Variants in ZFAND4 observed in about 807,000 individuals in gnomAD.
ZFAND4 encodes zinc finger AN1-type containing 4.
In ZFAND4, 43 loss-of-function variants were observed where a neutral mutation model predicts 64.4. The observed-to-expected ratio is 0.67, with a 90% CI of 0.52 to 0.86. The LOEUF is 0.86. Among genes scored for constraint, ZFAND4 ranks in the 40% least tolerant of loss-of-function variants. The pLI, the probability that ZFAND4 is intolerant of heterozygous loss-of-function variation, is 0.00. For missense variants in ZFAND4, 929 were observed against 859.8 expected (o/e 1.08, Z -1.01); for synonymous variants, 296 against 305.7 (o/e 0.97, Z 0.33).
rs368287681 is a variant in ZFAND4 at position 45,663,554 on chromosome 10, G to A, written c.172C>T (p.Arg58Ter). 2.7e-5 allele frequency: 43 copies of A among 1,588,764 alleles called. No individual in the cohort carries two copies. The highest frequency in any genetic ancestry group is 2.0e-4 in the Middle Eastern group (1 of 5,038). The change falls in exon 2 of 10, where the codon CGA becomes TGA. Residue 58 changes from arginine (R) to a stop codon, truncating the protein, a stop_gained. Coordinates refer to ENST00000344646, the MANE Select transcript of ZFAND4 (RefSeq NM_174890.4). LOFTEE classifies it high-confidence loss of function. Reference sequence around the variant, plus strand: ...GAAAGATGAGTACCTTCCAATCTTCGAATTTTTGCTTTCACAGAAATAACA... The same window carrying A: ...GAAAGATGAGTACCTTCCAATCTTCAAATTTTTGCTTTCACAGAAATAACA... The part of the protein sequence containing the change: ...ETVISVKAKI[R>*]RLEGIPICRQ...
At chr10:45,617,705 A>C (rs1446036455) in intron 9 of ZFAND4, 1 of 152,146 alleles carries the variant, frequency 6.6e-6, no homozygotes, top group Non-Finnish European at 1.5e-5. Context: ...GGAGGATATC[A>C]ATCAATACTA....
intron 8 of ZFAND4, 74 bp from the exon 9 acceptor site, chr10:45,618,334 A>T: frequency 1.9e-6 from 3 of 1,544,548 alleles, no homozygotes; most frequent in Non-Finnish European, 2.6e-6. Flanking sequence ...AGCAAAACAC[A>T]AAACATAGTC....
chr10:45,648,304 G>C lies in ZFAND4; in HGVS notation c.559C>G (p.His187Asp). ...HLHVLRRKGE[H>D]RMSGGSMYNS... is the part of the protein sequence containing the mutation. ...AAGTTTATGGAGTACCTCATACGAT[G>C]TTCTCCTTTTCTCCGTAGGACATGC... Residue 187 changes from histidine to aspartate, a missense_variant, in exon 5 of 10, where the codon CAT (histidine) becomes GAT (aspartate). By Grantham distance (81) the His-to-Asp change is moderately conservative. Transcript: ENST00000344646. 6.2e-7 allele frequency: 1 copy of C among 1,609,344 alleles called. No homozygotes were observed. The highest frequency in any genetic ancestry group is 8.5e-7 in the Non-Finnish European group (1 of 1,177,864).
At chr10:45,650,139 C>G (rs1438856973) in intron 4 of ZFAND4, 2 of 152,064 alleles carry the variant, frequency 1.3e-5, no homozygotes, top group Non-Finnish European at 2.9e-5. Context: ...CAGAGTCTCA[C>G]TCTGTCACCC....
At chr10:45,642,857 C>T (rs192194570) in intron 5 of ZFAND4, among the ~76,000 whole-genome samples, 103 of 146,110 alleles carry the variant, frequency 7.0e-4, no homozygotes, top group African/African-American at 2.4e-3. Context: ...TATAATATAA[C>T]ATTTCCTTGA....
chr10:45,632,741 G>C (rs2046310260), intron 6 of ZFAND4, among the ~76,000 whole-genome samples: 1 of 151,994 alleles, frequency 6.6e-6, no homozygotes, highest in South Asian at 2.1e-4. Context: ...GAAGGAAACT[G>C]TAAGTATAAC....
chr10:45,644,182 CTG>C (rs1236489703), intron 5 of ZFAND4, among the ~76,000 whole-genome samples: 4 of 152,096 alleles, frequency 2.6e-5, no homozygotes, highest in Admixed American at 6.5e-5. Context: ...TATTGCTATT[CTG>C]TGACTTTTTT....
In ZFAND4 at chr10:45,639,144, T is replaced by C; in HGVS notation, c.717+672A>G. Among the ~76,000 whole-genome samples, 2 of 151,992 alleles carry C rather than the reference T, an allele frequency of 1.3e-5. 1 individual carries two copies. Among genetic ancestry groups the C allele is most frequent in the South Asian group, 4.1e-4 (2 of 4,822 alleles). On this transcript the variant is annotated intron_variant, in intron 6 of 9. Transcript: ENST00000344646. ...AAAGGAAAGCAATAAAGTGGTAATA[T>C]GAAACAAAGGACTTTTATCTAGAAT...
Position 45,627,004 on chromosome 10 carries a change from G to A in ZFAND4, c.819C>T (p.Pro273=). 1.2e-6 allele frequency: 2 copies of A among 1,613,078 alleles called. No individual in the cohort carries two copies. The highest frequency in any genetic ancestry group is 1.7e-6 in the Non-Finnish European group (2 of 1,179,328). The change falls in exon 7 of 10, where the codon CCC becomes CCT. Residue 273 remains proline (P), a synonymous_variant. Coordinates refer to ENST00000344646, the MANE Select transcript of ZFAND4 (RefSeq NM_174890.4). ...PSRHRLLRVL[P]NIGQSCSPAF... ...CAGGTGAACAAGATTGACCAATGTT[G>A]GGGAGGACCCTTAACAATCGGTGGC...
At chr10:45,650,400 T>C (rs1160300465) in intron 4 of ZFAND4, 2 of 152,010 alleles carry the variant, frequency 1.3e-5, no homozygotes, top group Non-Finnish European at 2.9e-5. Context: ...TAATCCCAGC[T>C]ACTCGGGAGG....
intron 4 of ZFAND4, chr10:45,651,006 A>G (rs2047722292): frequency 6.6e-6 from 1 of 152,258 alleles, no homozygotes; most frequent in African/African-American, 2.4e-5. Flanking sequence ...GATGGCAATA[A>G]TCCTATTTTC....
At chr10:45,645,210 A>G (rs1468698715) in intron 5 of ZFAND4, among the ~76,000 whole-genome samples, 1 of 152,082 alleles carries the variant, frequency 6.6e-6, no homozygotes, top group Non-Finnish European at 1.5e-5. Flanking sequence ...CGGACTCAAG[A>G]GATTCGCCCA....
chr10:45,640,282 G>A, intron 5 of ZFAND4: 1 of 1,235,888 alleles, frequency 8.1e-7, no homozygotes, highest in Non-Finnish European at 1.0e-6. Context: ...CCATGAGAAT[G>A]TCTGATTTCA....
intron 8 of ZFAND4, among the ~76,000 whole-genome samples, chr10:45,624,243 C>G (rs2045635551): frequency 6.6e-6 from 1 of 152,158 alleles, no homozygotes; most frequent in Non-Finnish European, 1.5e-5. Context: ...AGACATCTTT[C>G]TAGGGTAATT....
At chr10:45,625,904 T>C in intron 7 of ZFAND4, 47 bp downstream of exon 7, 1 of 1,507,362 alleles carries the variant, frequency 6.6e-7, no homozygotes, top group Non-Finnish European at 8.9e-7. Context: ...ATAAGTTGAA[T>C]CACTACAAGG....
chr10:45,668,235 T>C (rs780958554), intron 1 of ZFAND4, among the ~76,000 whole-genome samples: 16 of 152,226 alleles, frequency 1.1e-4, no homozygotes, highest in Non-Finnish European at 2.4e-4. Context: ...GTTTTCATTA[T>C]GTCTGTCAGG....
At chr10:45,669,202 A>G (rs1457893806) in intron 1 of ZFAND4, among the ~76,000 whole-genome samples, 1 of 152,242 alleles carries the variant, frequency 6.6e-6, no homozygotes, top group Non-Finnish European at 1.5e-5. Context: ...AGGGGATATC[A>G]CCAGCGATCC....
At chr10:45,620,410 G>A (rs2045332706) in intron 8 of ZFAND4, among the ~76,000 whole-genome samples, 1 of 152,146 alleles carries the variant, frequency 6.6e-6, no homozygotes, top group Non-Finnish European at 1.5e-5. Flanking sequence ...CAACCCGCGA[G>A]GAAGAGGTTG....
intron 5 of ZFAND4, chr10:45,640,438 A>G: frequency 8.0e-7 from 1 of 1,242,926 alleles, no homozygotes; most frequent in Non-Finnish European, 1.0e-6. Context: ...AAAAAAAAAA[A>G]AAAAGAATTC....
Sources: allele counts gnomAD v4.1 joint callset (sites outside exome capture counted in the v4.1 genomes callset), GRCh38; gene constraint gnomAD v4.1.1; transcripts MANE v1.5; gene names NCBI Gene and HGNC (gene_info 2026-07-23, HGNC 2026-07-21).